The following TGM3 variants were observed in gnomAD, a reference collection of about 807,000 sequenced individuals.
The protein encoded by TGM3 is transglutaminase 3.
TGM3 carries 52 observed loss-of-function variants against 73.8 expected under a neutral mutation model. The observed-to-expected ratio is 0.70, with a 90% CI of 0.56 to 0.89. The LOEUF (loss-of-function observed/expected upper bound fraction) is 0.89. Ranked by LOEUF, TGM3 falls within the 40% of genes least tolerant of loss-of-function variation. The probability of loss-of-function intolerance (pLI) is 0.00; values close to 1 mark genes in which losing one functional copy is unlikely to be tolerated. For synonymous variants in TGM3, 372 were observed against 354.9 expected, an observed-to-expected ratio of 1.05 and a Z score of -0.54; for missense variants, 928 against 909.9, an observed-to-expected ratio of 1.02 and a Z score of -0.26.
At chr20:2,304,112 A>G (rs557026203) in intron 1 of TGM3, among the ~76,000 whole-genome samples, 4 of 152,310 alleles carry the variant, frequency 2.6e-5, no homozygotes, top group African/African-American at 9.6e-5. Context: ...TCGTAAATAT[A>G]CAAAAAGCTG....
At position 2,322,090 on chromosome 20, in the gene TGM3, C is replaced by G. The variant is rs552177032; in HGVS notation, c.984-3759C>G. 3.9e-5 allele frequency among the ~76,000 whole-genome samples: 6 copies of G among 152,070 alleles called. No individual in the cohort carries two copies. In the East Asian group the frequency reaches 7.8e-4, roughly 20 times the overall value. ...TGGGACCATCTTCCCACACTCCTTC[C>G]CTTGCCTTCTCCTTGGTGAGTTCTA... On this transcript the variant is annotated intron_variant, in intron 7 of 12. Transcript: ENST00000381458.
chr20:2,317,245 G>A lies in TGM3; in HGVS notation c.847G>A (p.Ala283Thr). 6.2e-7 allele frequency: 1 copy of A among 1,614,068 alleles called. No homozygotes were observed. ...CWVFAGTLNT[A>T]LRSLGIPSRV... ...GGTCTTTGCTGGGACCCTCAACACA[G>A]GTACCTTGGGTGTGGTGTGCCTTGG... The change falls in exon 6 of 13, where the codon GCG becomes ACG. Residue 283 changes from alanine to threonine, a missense_variant and splice_region_variant. Physicochemically the swap from Ala to Thr is moderately conservative, Grantham distance 58. Transcript: ENST00000381458.
chr20:2,340,450 C>T lies in TGM3; in HGVS notation c.1951C>T (p.Pro651Ser). The change falls in exon 13 of 13, where the codon CCC becomes TCC. Residue 651 changes from proline (P) to serine (S), a missense_variant. By Grantham distance (74) the Pro-to-Ser change is moderately conservative. Coordinates refer to ENST00000381458, the MANE Select transcript of TGM3 (RefSeq NM_003245.4). ...CCCCATCAGCGTGCCGACCCTAGGGCCCAAGGAGGGGTCCCGGGTCCGTTT... is the reference window on the plus strand; with the variant it reads ...CCCCATCAGCGTGCCGACCCTAGGGTCCAAGGAGGGGTCCCGGGTCCGTTT... The part of the protein sequence containing the change: ...NLKIDVPTLG[P>S]KEGSRVRFDI... 6.2e-7 allele frequency: 1 copy of T among 1,614,046 alleles called. No individual in the cohort carries two copies. The highest frequency in any genetic ancestry group is 8.5e-7 in the Non-Finnish European group (1 of 1,179,964).
chr20:2,312,836 C>A (rs1449166564), intron 4 of TGM3, 62 bp from the exon 5 acceptor site: 21 of 1,604,958 alleles, frequency 1.3e-5, no homozygotes, highest in Admixed American at 3.3e-5. Context: ...GTGCAGTTCC[C>A]TTCTTGAGCC....
chr20:2,304,328 C>T (rs214791), intron 1 of TGM3, among the ~76,000 whole-genome samples: 113,686 of 152,066 alleles, frequency 0.75, 44,078 homozygotes, highest in East Asian at 0.93. Flanking sequence ...GTGAAGGGTT[C>T]AGAACCACAC....
intron 5 of TGM3, among the ~76,000 whole-genome samples, chr20:2,315,673 G>A (rs966671751): frequency 3.9e-5 from 6 of 152,196 alleles, no homozygotes; most frequent in African/African-American, 1.2e-4. Flanking sequence ...TCAGATAAAC[G>A]ACAGCCAAAG....
chr20:2,312,012 G>A (rs536691950), intron 4 of TGM3, among the ~76,000 whole-genome samples: 1 of 152,198 alleles, frequency 6.6e-6, no homozygotes, highest in Non-Finnish European at 1.5e-5. Flanking sequence ...CTTCAATTAA[G>A]TCTTATTTTG....
intron 9 of TGM3, among the ~76,000 whole-genome samples, chr20:2,331,262 C>T (rs1600706817): frequency 6.6e-6 from 1 of 152,120 alleles, no homozygotes; most frequent in Admixed American, 6.5e-5. Context: ...GTCGGTTACT[C>T]AGCTCTGTGT....
At chr20:2,307,333 C>T (rs930644038) in intron 1 of TGM3, among the ~76,000 whole-genome samples, 1 of 152,010 alleles carries the variant, frequency 6.6e-6, no homozygotes, top group African/African-American at 2.4e-5. Flanking sequence ...GTGGAAGCCC[C>T]TCCGCAGTCC....
At chr20:2,312,127 C>T (rs573626239) in intron 4 of TGM3, among the ~76,000 whole-genome samples, 1 of 152,124 alleles carries the variant, frequency 6.6e-6, no homozygotes, top group Non-Finnish European at 1.5e-5. Flanking sequence ...AGGCCAGGTG[C>T]AGTGGCTCAC....
intron 1 of TGM3, among the ~76,000 whole-genome samples, chr20:2,302,959 C>G (rs1287917808): frequency 1.3e-5 from 2 of 152,152 alleles, no homozygotes; most frequent in African/African-American, 4.8e-5. Flanking sequence ...TAAAATAAGT[C>G]AGACCCAAAT....
intron 5 of TGM3, among the ~76,000 whole-genome samples, chr20:2,314,242 AG>A (rs1362456399): frequency 6.6e-6 from 1 of 152,062 alleles, no homozygotes; most frequent in African/African-American, 2.4e-5. Context: ...AGGCTGAGGC[AG>A]GGGGATTACT....
rs758229964 is a variant in TGM3, at chr20:2,328,376, C to T, written c.1333+11C>T. ...ACAAGTACCCAGAAGGTAGGAGGGA[C>T]GCTGGCGGGGCAGTGCCGCGAGAGG... On this transcript the variant is annotated intron_variant, in intron 9 of 12. Transcript: ENST00000381458. The surrounding 1 kb of genome is among the most constrained non-coding windows in gnomAD (Gnocchi z 5.2). 5.0e-6 allele frequency: 8 copies of T among 1,613,620 alleles called. No homozygotes were observed. The highest frequency in any genetic ancestry group is 2.2e-5 in the East Asian group (1 of 44,856).
chr20:2,322,395 A>G (rs1345683786), intron 7 of TGM3, among the ~76,000 whole-genome samples: 1 of 152,104 alleles, frequency 6.6e-6, no homozygotes, highest in African/African-American at 2.4e-5. Flanking sequence ...CTCGAAACCA[A>G]TCACTTCACC....
At chr20:2,313,076 C>A (rs370613098) in intron 5 of TGM3, 50 bp downstream of exon 5, 1 of 1,610,808 alleles carries the variant, frequency 6.2e-7, no homozygotes, top group African/African-American at 1.3e-5. Context: ...ATATTGAACA[C>A]CACCTATGAG....
chr20:2,315,385 G>A (rs1386687179), intron 5 of TGM3, among the ~76,000 whole-genome samples: 1 of 152,226 alleles, frequency 6.6e-6, no homozygotes, highest in Non-Finnish European at 1.5e-5. Flanking sequence ...TGACTCAGGA[G>A]ATGGGGAAGG....
intron 1 of TGM3, among the ~76,000 whole-genome samples, chr20:2,305,231 G>A (rs550701565): frequency 3.4e-5 from 3 of 88,594 alleles, no homozygotes; most frequent in South Asian, 1.0e-3. Flanking sequence ...GTGGGCATAA[G>A]GCTGAAAGTC....
intron 1 of TGM3, among the ~76,000 whole-genome samples, chr20:2,298,240 C>G (rs1427083424): frequency 6.6e-6 from 1 of 152,156 alleles, no homozygotes; most frequent in Admixed American, 6.5e-5. Flanking sequence ...GTGGAGAAGG[C>G]AGCCTGGGCT....
At chr20:2,318,743 T>C (rs1178574461) in intron 7 of TGM3, among the ~76,000 whole-genome samples, 2 of 152,250 alleles carry the variant, frequency 1.3e-5, no homozygotes, top group Non-Finnish European at 2.9e-5. Flanking sequence ...TTTGAGATAG[T>C]CTACATAAAA....
Sources: allele counts gnomAD v4.1 joint callset (sites outside exome capture counted in the v4.1 genomes callset), GRCh38; gene constraint gnomAD v4.1.1; non-coding constraint Gnocchi (gnomAD v3.1); transcripts MANE v1.5; gene names NCBI Gene and HGNC (gene_info 2026-07-23, HGNC 2026-07-21).